The following TNR variants were observed in gnomAD, a reference collection of about 807,000 sequenced individuals.
The protein encoded by TNR is tenascin R.
Under a neutral mutation model 150.4 loss-of-function variants are expected in TNR, and 45 were observed. That is an observed-to-expected ratio of 0.30 (90% CI 0.24 to 0.38). The LOEUF (loss-of-function observed/expected upper bound fraction) is 0.38, where lower values mean the gene tolerates loss of function less well. TNR is among the 10% of genes least tolerant of loss of function. The pLI is 1.00. For synonymous variants in TNR, 687 were observed against 678.4 expected, an observed-to-expected ratio of 1.01 and a Z score of -0.20; for missense variants, 1,544 against 1,759.1, an observed-to-expected ratio of 0.88 and a Z score of 2.19.
At chr1:175,586,033 A>T (rs527333204) in intron 1 of TNR, among the ~76,000 whole-genome samples, 2 of 152,362 alleles carry the variant, frequency 1.3e-5, no homozygotes, top group African/African-American at 4.8e-5. Context: ...TAAGTGACTA[A>T]TAAGTAATGA....
At chr1:175,396,283 T>C (rs1653420901) in intron 5 of TNR, among the ~76,000 whole-genome samples, 1 of 152,246 alleles carries the variant, frequency 6.6e-6, no homozygotes, top group Non-Finnish European at 1.5e-5. Context: ...AACAAGCCAG[T>C]ACTCCATAAT....
At chr1:175,387,267 G>C (rs1652982268) in intron 7 of TNR, among the ~76,000 whole-genome samples, 1 of 152,364 alleles carries the variant, frequency 6.6e-6, no homozygotes, top group South Asian at 2.1e-4. Flanking sequence ...TGGCCAACAT[G>C]CTCTTGCCTC....
intron 1 of TNR, among the ~76,000 whole-genome samples, chr1:175,721,313 A>C (rs1434791374): frequency 6.6e-6 from 1 of 151,982 alleles, no homozygotes; most frequent in East Asian, 1.9e-4. Context: ...TTTATTATCT[A>C]TTTCTTTGAG....
intron 1 of TNR, among the ~76,000 whole-genome samples, chr1:175,712,311 T>G (rs533252261): frequency 6.6e-6 from 1 of 152,238 alleles, no homozygotes; most frequent in East Asian, 1.9e-4. Flanking sequence ...AAATTGAGAA[T>G]AACACCATCA....
chr1:175,550,614 A>C (rs1213494785), intron 1 of TNR, among the ~76,000 whole-genome samples: 1 of 152,004 alleles, frequency 6.6e-6, no homozygotes, highest in African/African-American at 2.4e-5. Flanking sequence ...CCATGTGTGC[A>C]CATGTATACA....
At chr1:175,449,144 A>G (rs958971182) in intron 2 of TNR, among the ~76,000 whole-genome samples, 3 of 152,234 alleles carry the variant, frequency 2.0e-5, no homozygotes, top group Non-Finnish European at 4.4e-5. Context: ...AGTTGTAGGG[A>G]GCACTGTGTG....
chr1:175,737,457 C>A (rs1031892933), intron 1 of TNR, among the ~76,000 whole-genome samples: 5 of 152,180 alleles, frequency 3.3e-5, no homozygotes, highest in South Asian at 2.1e-4. Flanking sequence ...CTAGCTTTAT[C>A]ATTAAGCCAT....
At position 175,364,972 on chromosome 1, in the gene TNR, C is replaced by A. The variant is rs756430278; in HGVS notation, c.2587+38G>T. On this transcript the variant is annotated intron_variant, in intron 12 of 22. Transcript: ENST00000367674. ...GATTTGTCAAAGGCTACTGTGAAAACCCCTTTCATCACCTGCTGCCAAGTC... is the reference window on the plus strand; with the variant it reads ...GATTTGTCAAAGGCTACTGTGAAAAACCCTTTCATCACCTGCTGCCAAGTC... 4.5e-6 allele frequency: 7 copies of A among 1,566,292 alleles called. No homozygotes were observed. The East Asian group carries it at 6.8e-5, about 15-fold the overall frequency.
chr1:175,725,935 T>C (rs1459482443), intron 1 of TNR, among the ~76,000 whole-genome samples: 1 of 152,150 alleles, frequency 6.6e-6, no homozygotes, highest in Non-Finnish European at 1.5e-5. Context: ...TCAGAATATG[T>C]CATGGAAATG....
intron 1 of TNR, among the ~76,000 whole-genome samples, chr1:175,570,985 T>C (rs762874435): frequency 5.2e-4 from 79 of 152,304 alleles, no homozygotes; most frequent in Admixed American, 1.2e-3. Context: ...GCATGTAGAT[T>C]GATGTCATTT....
chr1:175,574,053 G>T (rs1445217912), intron 1 of TNR, among the ~76,000 whole-genome samples: 3 of 152,162 alleles, frequency 2.0e-5, no homozygotes, highest in African/African-American at 7.2e-5. Flanking sequence ...AGGTCTTGAA[G>T]AGGAAGATGA....
chr1:175,734,472 T>C (rs556763259), intron 1 of TNR, among the ~76,000 whole-genome samples: 10 of 152,140 alleles, frequency 6.6e-5, no homozygotes, highest in African/African-American at 2.4e-4. Context: ...TTGGGCAGAG[T>C]TTCATCGACT....
chr1:175,726,265 T>A (rs1281771568), intron 1 of TNR, among the ~76,000 whole-genome samples: 1 of 152,238 alleles, frequency 6.6e-6, no homozygotes, highest in African/African-American at 2.4e-5. Context: ...TACAGGCATC[T>A]ACCCTATGTT....
chr1:175,652,970 A>G (rs976651657), intron 1 of TNR, among the ~76,000 whole-genome samples: 2 of 152,238 alleles, frequency 1.3e-5, no homozygotes, highest in African/African-American at 4.8e-5. Context: ...AAAAAGTGCC[A>G]CTTAAAACAA....
In TNR at chr1:175,354,376, G is replaced by A. The variant is rs760696728; in HGVS notation, c.3382+15C>T. The A allele has an allele frequency of 4.3e-6, 7 of 1,612,772 alleles. No homozygotes were observed. The East Asian group carries it at 1.3e-4, about 31-fold the overall frequency. Reference sequence around the variant, plus strand: ...AAGTGGAGAAGAAGGCATCAAAGTGGCCATGCTCCCTCACCTGTGGTGAAA... The same window carrying A: ...AAGTGGAGAAGAAGGCATCAAAGTGACCATGCTCCCTCACCTGTGGTGAAA... On this transcript the variant is annotated intron_variant, in intron 18 of 22. Transcript: ENST00000367674.
At position 175,384,239 on chromosome 1, in the gene TNR, G is replaced by A. The variant is rs540534371; in HGVS notation, c.1777+1793C>T. On this transcript the variant is annotated intron_variant, in intron 8 of 22. Coordinates refer to ENST00000367674, the MANE Select transcript of TNR (RefSeq NM_003285.3). Reference sequence around the variant, plus strand: ...TTGTCCACAGAAGATACCACACCCCGGAGCAAGTGGTATTGTGGGGGTGGG... The same window carrying A: ...TTGTCCACAGAAGATACCACACCCCAGAGCAAGTGGTATTGTGGGGGTGGG... 4.6e-5 allele frequency among the ~76,000 whole-genome samples: 7 copies of A among 152,318 alleles called. No homozygotes were observed. The South Asian group carries it at 8.3e-4, about 18-fold the overall frequency.
At chr1:175,362,319 A>G (rs934491059) in intron 14 of TNR, among the ~76,000 whole-genome samples, 16 of 152,142 alleles carry the variant, frequency 1.1e-4, no homozygotes, top group African/African-American at 3.9e-4. Flanking sequence ...TCTCGAGGTG[A>G]AATTTTCTCA....
intron 1 of TNR, among the ~76,000 whole-genome samples, chr1:175,664,248 G>A (rs990053489): frequency 2.0e-5 from 3 of 152,236 alleles, no homozygotes; most frequent in Non-Finnish European, 4.4e-5. Flanking sequence ...TGGCCATGCG[G>A]GACCTGGGAG....
intron 1 of TNR, among the ~76,000 whole-genome samples, chr1:175,734,478 C>T (rs970252665): frequency 1.3e-5 from 2 of 152,164 alleles, no homozygotes; most frequent in East Asian, 1.9e-4. Context: ...AGAGTTTCAT[C>T]GACTGTTTCT....
Sources: allele counts gnomAD v4.1 joint callset (sites outside exome capture counted in the v4.1 genomes callset), GRCh38; gene constraint gnomAD v4.1.1; transcripts MANE v1.5; gene names NCBI Gene and HGNC (gene_info 2026-07-23, HGNC 2026-07-21).